ANKFY1: variants seen among roughly 807,000 people sequenced by gnomAD.
ANKFY1 encodes ankyrin repeat and FYVE domain-containing protein 1.
A neutral mutation model predicts 128.3 loss-of-function variants in ANKFY1; 47 were observed. The observed-to-expected ratio is 0.37, with a 90% confidence interval of 0.29 to 0.47. The LOEUF is 0.47. Ranked by LOEUF, ANKFY1 falls within the 20% of genes least tolerant of loss-of-function variation. ANKFY1 has a pLI of 1.00. For synonymous variants in ANKFY1, 553 were observed against 601.6 expected, an observed-to-expected ratio of 0.92 and a Z score of 1.18; for missense variants, 1,222 against 1,510.6, an observed-to-expected ratio of 0.81 and a Z score of 3.17.
intron 3 of ANKFY1, chr17:4,223,604 T>A (rs967777967): frequency 9.5e-5 from 127 of 1,340,098 alleles, no homozygotes; most frequent in Middle Eastern, 1.8e-4. Flanking sequence ...AGTGATGCTG[T>A]GGGAACTCAT....
chr17:4,185,059 A>G lies in ANKFY1; in HGVS notation c.1471-13T>C. 1 of 1,606,276 alleles carries G rather than the reference A, an allele frequency of 6.2e-7. No homozygotes were observed. The highest frequency in any genetic ancestry group is 8.5e-7 in the Non-Finnish European group (1 of 1,177,312). ...ACGGGGTTTCTCCCTGAATGGAAAC[A>G]AATGGCCGAAATCTGAGCACTCACA... On this transcript the variant is annotated splice_polypyrimidine_tract_variant and intron_variant, in intron 11 of 24. Transcript: ENST00000341657.
At chr17:4,248,595 TTCA>T (rs1259900805) in intron 1 of ANKFY1, among the ~76,000 whole-genome samples, 48 of 152,354 alleles carry the variant, frequency 3.2e-4, no homozygotes, top group Admixed American at 2.9e-3. Context: ...CTACTTATTC[TTCA>T]TCAAGTGACC....
chr17:4,220,810 T>A (rs1022796499), intron 3 of ANKFY1, among the ~76,000 whole-genome samples: 2 of 152,334 alleles, frequency 1.3e-5, no homozygotes, highest in South Asian at 4.1e-4. Flanking sequence ...TCGTCCACAC[T>A]GTCTGCTTCC....
At chr17:4,215,421 G>C (rs2060205064) in intron 4 of ANKFY1, among the ~76,000 whole-genome samples, 1 of 151,028 alleles carries the variant, frequency 6.6e-6, no homozygotes, top group East Asian at 2.0e-4. Flanking sequence ...TCCAAAACCG[G>C]CGAGATCCCC....
intron 1 of ANKFY1, among the ~76,000 whole-genome samples, chr17:4,245,108 A>C (rs1598141897): frequency 6.6e-6 from 1 of 152,064 alleles, no homozygotes; most frequent in South Asian, 2.1e-4. Context: ...CCCTTCTCTT[A>C]CTCCAGCAAC....
intron 23 of ANKFY1, among the ~76,000 whole-genome samples, chr17:4,170,049 A>C (rs1261260792): frequency 1.3e-5 from 2 of 152,208 alleles, no homozygotes; most frequent in African/African-American, 2.4e-5. Flanking sequence ...AGTGCACGGC[A>C]GAGGGAAGGT....
intron 1 of ANKFY1, among the ~76,000 whole-genome samples, chr17:4,250,149 T>C (rs1254409144): frequency 4.6e-5 from 7 of 152,180 alleles, no homozygotes; most frequent in Non-Finnish European, 1.0e-4. Context: ...CAGACCTACA[T>C]CTGAACTTTT....
At position 4,182,363 on chromosome 17, in the gene ANKFY1, C is replaced by A; in HGVS notation, c.1953-14G>T. 6.6e-7 allele frequency: 1 copy of A among 1,521,292 alleles called. No individual in the cohort carries two copies. The highest frequency in any genetic ancestry group is 8.9e-7 in the Non-Finnish European group (1 of 1,123,312). The allele number at this position is 1,521,292 out of a possible 1,614,324, so 94.2% of individuals were successfully genotyped here. A position where few individuals can be genotyped will look rare whatever the true frequency, so the allele number is the denominator to read the frequency against. ...CCGTCCTGAGTCCTGCTAGGACATG[C>A]ACACCCAAACCAACGTTTGTGGTTG... On this transcript the variant is annotated splice_polypyrimidine_tract_variant and intron_variant, in intron 14 of 24. Coordinates refer to ENST00000341657, the MANE Select transcript of ANKFY1 (RefSeq NM_001330063.2).
In ANKFY1 at chr17:4,183,568, G is replaced by A. The variant is rs767987441; in HGVS notation, c.1799-17C>T. The A allele has an allele frequency of 2.5e-6, 4 of 1,609,586 alleles. No individual in the cohort carries two copies. In the African/African-American group the frequency reaches 4.0e-5, roughly 16 times the overall value. Reference sequence around the variant, plus strand: ...TGTGCATGCCTGGGAAACAAGCCCCGATCTCATCCAGGCTCGGCTTTTCCC... The same window carrying A: ...TGTGCATGCCTGGGAAACAAGCCCCAATCTCATCCAGGCTCGGCTTTTCCC... On this transcript the variant is annotated splice_polypyrimidine_tract_variant and intron_variant, in intron 13 of 24. Transcript: ENST00000341657.
Position 4,181,281 on chromosome 17 carries a change from T to A in ANKFY1, c.2213A>T (p.Glu738Val). Residue 738 changes from glutamate to valine, a missense_variant, in exon 16 of 25, where the codon GAG becomes GTG. Transcript: ENST00000341657. This position sits in a 1 kb window ranked among gnomAD's most constrained non-coding sequence, Gnocchi z 4.9. ...LLHRAIDENN[E>V]PTACFLIRSG... ...GCGAATAAGAAAGCAGGCGGTGGGCTCGTTGTTTTCATCAATGGCTCTGTG... is the reference window on the plus strand; with the variant it reads ...GCGAATAAGAAAGCAGGCGGTGGGCACGTTGTTTTCATCAATGGCTCTGTG... The A allele has an allele frequency of 1.2e-6, 2 of 1,614,064 alleles. No individual in the cohort carries two copies. The highest frequency in any genetic ancestry group is 1.7e-6 in the Non-Finnish European group (2 of 1,179,938).
chr17:4,216,768 C>G (rs1293228410), intron 4 of ANKFY1: 5 of 602,736 alleles, frequency 8.3e-6, no homozygotes, highest in Admixed American at 2.6e-5. Context: ...GGTAACAGAC[C>G]AGTGAAAGAA....
In ANKFY1 at chr17:4,240,613, A is replaced by G. The variant is rs921224056; in HGVS notation, c.203+1643T>C. ...CACCTTGTTGGTCAGGCTGGTCTCA[A>G]ACTCCTGACCTCAGGTGATCCATCT... On this transcript the variant is annotated intron_variant, in intron 2 of 24. Transcript: ENST00000341657. Among the ~76,000 whole-genome samples, 19 of 152,140 alleles carry G rather than the reference A, an allele frequency of 1.2e-4. 1 individual carries two copies. Among genetic ancestry groups the G allele is most frequent in the Non-Finnish European group, 2.9e-5 (2 of 68,034 alleles).
chr17:4,195,972 AACAC>A lies in ANKFY1; in HGVS notation c.1104-505_1104-502del, dbSNP rs1166638294. ...AGACTGGCACTGCAGAGCCACCACT[AACAC>A]ACACACACACACACCCCCGAGTCAG... On this transcript the variant is annotated intron_variant, in intron 8 of 24. Coordinates refer to ENST00000341657, the MANE Select transcript of ANKFY1 (RefSeq NM_001330063.2). 2.0e-5 allele frequency among the ~76,000 whole-genome samples: 3 copies of A among 148,128 alleles called. No homozygotes were observed. In the Admixed American group the frequency reaches 2.0e-4, roughly 10 times the overall value.
intron 2 of ANKFY1, among the ~76,000 whole-genome samples, chr17:4,241,134 C>T (rs578059251): frequency 1.3e-5 from 2 of 152,304 alleles, no homozygotes; most frequent in Admixed American, 1.3e-4. Flanking sequence ...GAACATGCAT[C>T]TATTGATTTG....
chr17:4,221,465 G>C (rs999406479), intron 3 of ANKFY1, among the ~76,000 whole-genome samples: 3 of 152,160 alleles, frequency 2.0e-5, no homozygotes, highest in African/African-American at 7.2e-5. Context: ...TCCTGCCTTG[G>C]CCTCCCAAAG....
chr17:4,171,533 A>G (rs975555119), intron 22 of ANKFY1, among the ~76,000 whole-genome samples: 6 of 152,188 alleles, frequency 3.9e-5, no homozygotes, highest in African/African-American at 1.4e-4. Context: ...AAGCAGGCCT[A>G]TGAGGGAGAA....
At chr17:4,209,791 G>C (rs766501219) in intron 5 of ANKFY1, 33 bp downstream of exon 5, 11 of 1,583,196 alleles carry the variant, frequency 6.9e-6, no homozygotes, top group Non-Finnish European at 9.5e-6. Context: ...CTGCCAGCTA[G>C]AGTGCTTTGT....
At chr17:4,216,062 G>A (rs1487024311) in intron 4 of ANKFY1, among the ~76,000 whole-genome samples, 1 of 152,174 alleles carries the variant, frequency 6.6e-6, no homozygotes, top group Non-Finnish European at 1.5e-5. Flanking sequence ...ATATTAAAAT[G>A]CACTCAAACC....
Position 4,197,384 on chromosome 17 carries a change from G to A in ANKFY1, c.1092C>T (p.Asp364=), listed in dbSNP as rs370775219. ...GCTCCCCAGCTTACCTCCCCTTGCT[G>A]TCCTGCATGTTGGGGTTGGCACCAG... ...LQAGANPNMQ[D]SKGRTPLHVS... Residue 364 remains aspartate (D), a synonymous_variant, in exon 8 of 25, where the codon GAC becomes GAT. Transcript: ENST00000341657. The A allele has an allele frequency of 1.2e-6, 2 of 1,614,042 alleles. No individual in the cohort carries two copies. Among genetic ancestry groups the A allele is most frequent in the Non-Finnish European group, 1.7e-6 (2 of 1,180,048 alleles).
Sources: allele counts gnomAD v4.1 joint callset (sites outside exome capture counted in the v4.1 genomes callset), GRCh38; gene constraint gnomAD v4.1.1; non-coding constraint Gnocchi (gnomAD v3.1); transcripts MANE v1.5; gene names NCBI Gene and HGNC (gene_info 2026-07-23, HGNC 2026-07-21).